Variants in PRH1 observed in about 807,000 individuals in gnomAD.
The protein encoded by PRH1 is salivary acidic proline-rich phosphoprotein 1/2.
In PRH1, 7 loss-of-function variants were observed where a neutral mutation model predicts 7.9. The observed-to-expected ratio is 0.89, with a 90% CI of 0.50 to 1.67. The LOEUF is 1.67. PRH1 is among the 40% of genes most tolerant of loss of function. The pLI is 0.00. For missense variants in PRH1, 109 were observed against 223.6 expected (o/e 0.49, Z 3.27); for synonymous variants, 45 against 80.8 (o/e 0.56, Z 2.38).
intron 1 of PRH1, among the ~76,000 whole-genome samples, chr12:11,145,082 T>A (rs1946823688): frequency 6.6e-6 from 1 of 152,248 alleles, no homozygotes; most frequent in Non-Finnish European, 1.5e-5. Context: ...TGTCTAGAGC[T>A]GCAATCTAGT....
chr12:11,149,375 A>G (rs1432106251), intron 1 of PRH1, among the ~76,000 whole-genome samples: 1 of 152,210 alleles, frequency 6.6e-6, no homozygotes, highest in Non-Finnish European at 1.5e-5. Flanking sequence ...ATCCTAAGCC[A>G]AAAGAACAAA....
chr12:11,040,501 TG>T (rs1235842318), intron 1 of PRH1, among the ~76,000 whole-genome samples: 1 of 152,090 alleles, frequency 6.6e-6, no homozygotes, highest in Non-Finnish European at 1.5e-5. Flanking sequence ...CACTCATAAG[TG>T]GGAATTGAAC....
chr12:10,983,954 C>T (rs1939483179), intron 1 of PRH1, among the ~76,000 whole-genome samples: 1 of 152,114 alleles, frequency 6.6e-6, no homozygotes, highest in Admixed American at 6.5e-5. Flanking sequence ...CTAAGATACT[C>T]GTTTAGTGTT....
At chr12:10,975,112 T>C (rs1314271421) in intron 1 of PRH1, among the ~76,000 whole-genome samples, 6 of 152,030 alleles carry the variant, frequency 3.9e-5, no homozygotes, top group African/African-American at 1.4e-4. Flanking sequence ...CCAAGGCACA[T>C]AGTCATCAGC....
At chr12:10,973,742 G>A (rs1938946583) in intron 1 of PRH1, 1 of 778,032 alleles carries the variant, frequency 1.3e-6, no homozygotes. Flanking sequence ...ATAAATAAAA[G>A]GCCAAAATTA....
intron 2 of PRH1, chr12:10,891,516 C>G (rs1318194263): frequency 6.6e-6 from 1 of 152,192 alleles, no homozygotes; most frequent in African/African-American, 2.4e-5. Context: ...ATGTTAGCTA[C>G]CAGTTCCCAT....
At chr12:10,917,669 T>A (rs919149512) in intron 2 of PRH1, among the ~76,000 whole-genome samples, 17 of 152,236 alleles carry the variant, frequency 1.1e-4, no homozygotes, top group African/African-American at 4.1e-4. Context: ...AACTTCAATT[T>A]ATGTACACAT....
At chr12:11,035,052 C>T (rs550539540) in intron 1 of PRH1, among the ~76,000 whole-genome samples, 10 of 151,940 alleles carry the variant, frequency 6.6e-5, no homozygotes, top group African/African-American at 1.9e-4. Flanking sequence ...ATCAGCTTGT[C>T]GTTTAGACAG....
At chr12:11,106,463 A>C (rs1218365611) in intron 1 of PRH1, among the ~76,000 whole-genome samples, 2 of 152,132 alleles carry the variant, frequency 1.3e-5, no homozygotes, top group Non-Finnish European at 2.9e-5. Context: ...CCTTTGACTA[A>C]GTTTTTCTCT....
chr12:10,905,669 GA>G (rs34186546), intron 2 of PRH1, among the ~76,000 whole-genome samples: 2 of 149,750 alleles, frequency 1.3e-5, no homozygotes, highest in African/African-American at 4.9e-5. Flanking sequence ...CTGTCTCAAA[GA>G]AAAAAAAATG....
chr12:11,139,118 C>G (rs1442132279), intron 1 of PRH1, among the ~76,000 whole-genome samples: 2 of 152,246 alleles, frequency 1.3e-5, no homozygotes, highest in South Asian at 2.1e-4. Context: ...AGCAAAAACT[C>G]TAATTACAAT....
In PRH1 at chr12:11,028,479, C is replaced by A. The variant is rs576493209; in HGVS notation, c.-126+18541G>T. ...TTCACATTTGTTCCGGTCTCAATTT[C>A]CACACGTCCTTGCCATTTTTGTCTT... On this transcript the variant is annotated intron_variant, in intron 1 of 3. Transcript: ENST00000539853. 3.9e-5 allele frequency among the ~76,000 whole-genome samples: 6 copies of A among 152,322 alleles called. No homozygotes were observed. The South Asian group carries it at 8.3e-4, about 21-fold the overall frequency.
intron 1 of PRH1, among the ~76,000 whole-genome samples, chr12:11,076,452 T>C (rs1208337016): frequency 7.7e-6 from 1 of 130,104 alleles, no homozygotes; most frequent in African/African-American, 2.7e-5. Flanking sequence ...AATATTTGAG[T>C]TTTTTTGAGG....
intron 1 of PRH1, among the ~76,000 whole-genome samples, chr12:11,035,180 T>C (rs1275158702): frequency 6.6e-6 from 1 of 152,062 alleles, no homozygotes; most frequent in African/African-American, 2.4e-5. Flanking sequence ...TGAAGTCTGA[T>C]AGTTTCTAAA....
At chr12:11,163,761 G>C (rs1372094951) in intron 1 of PRH1, among the ~76,000 whole-genome samples, 1 of 152,170 alleles carries the variant, frequency 6.6e-6, no homozygotes, top group African/African-American at 2.4e-5. Context: ...CAGATTCAAA[G>C]CTAAGCATCT....
At chr12:10,997,003 A>C in intron 1 of PRH1, 5 of 1,613,870 alleles carry the variant, frequency 3.1e-6, no homozygotes, top group Non-Finnish European at 4.2e-6. Flanking sequence ...ACAAAACTGA[A>C]AGAAAGGTCT....
chr12:11,144,784 AC>A (rs1477486170), intron 1 of PRH1, among the ~76,000 whole-genome samples: 3 of 152,024 alleles, frequency 2.0e-5, no homozygotes, highest in Middle Eastern at 3.4e-3. Flanking sequence ...TGCTTCCTCT[AC>A]CCCTGCATTT....
At chr12:11,152,036 A>G (rs1947110244) in intron 1 of PRH1, among the ~76,000 whole-genome samples, 1 of 151,810 alleles carries the variant, frequency 6.6e-6, no homozygotes, top group Non-Finnish European at 1.5e-5. Context: ...ATTTTTAAAT[A>G]ACTTAATGTT....
chr12:10,989,071 G>C (rs776782706), intron 1 of PRH1, among the ~76,000 whole-genome samples: 1 of 152,180 alleles, frequency 6.6e-6, no homozygotes, highest in Non-Finnish European at 1.5e-5. Context: ...GCCTCCCAAA[G>C]TGCTGGGATT....
Sources: gnomAD v4.1 joint callset for allele counts (sites outside exome capture counted in the v4.1 genomes callset) on GRCh38, gnomAD v4.1.1 for gene constraint, MANE v1.5 for transcripts, NCBI Gene and HGNC (gene_info 2026-07-23, HGNC 2026-07-21) for gene names.